The following ABHD2 variants were observed in gnomAD, a reference collection of about 807,000 sequenced individuals.
The protein encoded by ABHD2 is abhydrolase domain containing 2, acylglycerol lipase.
In ABHD2, 20 loss-of-function variants were observed where a neutral mutation model predicts 48.1. The ratio of observed to expected loss-of-function variants is 0.42; its 90% CI spans 0.29 to 0.60. The LOEUF (loss-of-function observed/expected upper bound fraction) is 0.60, where lower values mean the gene tolerates loss of function less well. Among genes scored for constraint, ABHD2 ranks in the 20% least tolerant of loss-of-function variants. The pLI, the probability that ABHD2 is intolerant of heterozygous loss-of-function variation, is 0.24. For synonymous variants in ABHD2, 209 were observed against 214.2 expected, an observed-to-expected ratio of 0.98 and a Z score of 0.21; for missense variants, 405 against 550.9, an observed-to-expected ratio of 0.74 and a Z score of 2.65.
At position 89,116,263 on chromosome 15, in the gene ABHD2, G is replaced by C. The variant is rs1267323302; in HGVS notation, c.-6-59G>C. On this transcript the variant is annotated intron_variant, in intron 2 of 10. Transcript: ENST00000352732. This position sits in a 1 kb window ranked among gnomAD's most constrained non-coding sequence, Gnocchi z 4.6. The stretch of plus-strand genomic sequence containing the variant: ...TAGCCCACCATGCGTCTGTAGGGTG[G>C]TGGGCACCACCCGTCCTCACTGTGC... 11 of 1,515,018 alleles carry C rather than the reference G, an allele frequency of 7.3e-6. No homozygotes were observed. The Admixed American group carries it at 2.0e-4, about 28-fold the overall frequency. The allele number at this position is 1,515,018 out of a possible 1,614,324, so 93.8% of individuals were successfully genotyped here.
rs965105064 is a variant in ABHD2 at position 89,191,001 on chromosome 15, C to T, written c.927-79C>T. 6 of 1,410,288 alleles carry T rather than the reference C, an allele frequency of 4.3e-6. No homozygotes were observed. The African/African-American group carries it at 7.0e-5, about 17-fold the overall frequency. 87.4% of individuals were successfully genotyped at this position (1,410,288 alleles called of 1,614,324 possible). A position where few individuals can be genotyped will look rare whatever the true frequency, so the allele number is the denominator to read the frequency against. On this transcript the variant is annotated intron_variant, in intron 8 of 10. Transcript: ENST00000352732. ...CACAAGTTAGCGTGAGGAACTGGAG[C>T]CATCGTCGGCTCAGCATTCTGATCT...
At chr15:89,148,364 T>G (rs1374570559) in intron 3 of ABHD2, among the ~76,000 whole-genome samples, 1 of 152,122 alleles carries the variant, frequency 6.6e-6, no homozygotes, top group African/African-American at 2.4e-5. Flanking sequence ...CAACCATAGA[T>G]TGGGTCAACC....
chr15:89,057,049 GATT>G, the ABHD2 span, among the ~76,000 whole-genome samples: 1 of 151,818 alleles, frequency 6.6e-6, no homozygotes, highest in Non-Finnish European at 1.5e-5. Context: ...GAGTAGCTGG[GATT>G]ACAGGCACAC....
chr15:89,124,062 G>A (rs868011883), intron 3 of ABHD2, among the ~76,000 whole-genome samples: 2 of 152,042 alleles, frequency 1.3e-5, no homozygotes, highest in South Asian at 2.1e-4. Flanking sequence ...CTGTGTGTAC[G>A]AACACTATAT....
At chr15:89,148,856 CA>C (rs1278019390) in intron 3 of ABHD2, among the ~76,000 whole-genome samples, 1 of 152,216 alleles carries the variant, frequency 6.6e-6, no homozygotes, top group African/African-American at 2.4e-5. Context: ...AGCATTTCTT[CA>C]GTATTTATAT....
chr15:89,191,036 A>G lies in ABHD2; in HGVS notation c.927-44A>G, dbSNP rs777568533. 26 of 1,597,016 alleles carry G rather than the reference A, an allele frequency of 1.6e-5. No homozygotes were observed. In the Admixed American group the frequency reaches 2.0e-4, roughly 12 times the overall value. Reference sequence around the variant, plus strand: ...CTCAGCATTCTGATCTTAAAGACCAATGTTTTGTCCTTTTTCTTTTTTTCT... The same window carrying G: ...CTCAGCATTCTGATCTTAAAGACCAGTGTTTTGTCCTTTTTCTTTTTTTCT... On this transcript the variant is annotated intron_variant, in intron 8 of 10. Coordinates refer to ENST00000352732, the MANE Select transcript of ABHD2 (RefSeq NM_152924.5).
intron 3 of ABHD2, among the ~76,000 whole-genome samples, chr15:89,119,847 A>G (rs1238687937): frequency 2.0e-5 from 3 of 152,182 alleles, no homozygotes; most frequent in Admixed American, 2.0e-4. Flanking sequence ...GTTGAAAGCT[A>G]AGGGCAGGAA....
chr15:89,191,526 T>C (rs1158138362), intron 9 of ABHD2, among the ~76,000 whole-genome samples: 2 of 152,162 alleles, frequency 1.3e-5, no homozygotes, highest in Non-Finnish European at 2.9e-5. Context: ...GTTACCATAG[T>C]GCCTAAGACT....
rs1409700248 is a variant in ABHD2 at position 89,184,802 on chromosome 15, G to T, written c.723-622G>T. On this transcript the variant is annotated intron_variant, in intron 6 of 10. Coordinates refer to ENST00000352732, the MANE Select transcript of ABHD2 (RefSeq NM_152924.5). The surrounding 1 kb of genome is among the most constrained non-coding windows in gnomAD (Gnocchi z 5.1). ...TGCCAGTCACACACTAGCCCTAGAG[G>T]CAGAAAGACACTTCCAGACCAGCCC... Among the ~76,000 whole-genome samples, 3 of 152,182 alleles carry T rather than the reference G, an allele frequency of 2.0e-5. No individual in the cohort carries two copies. The highest frequency in any genetic ancestry group is 4.4e-5 in the Non-Finnish European group (3 of 68,020).
chr15:89,188,399 T>C lies in ABHD2; in HGVS notation c.926+96T>C. ...GCCCAGCACTAGTGTTTGCTCTGCC[T>C]ACTTGAGTGTTAAGGGTGTTTTTTT... On this transcript the variant is annotated intron_variant, in intron 8 of 10. Transcript: ENST00000352732. The surrounding 1 kb of genome is among the most constrained non-coding windows in gnomAD (Gnocchi z 4.1). The C allele has an allele frequency of 1.9e-6, 2 of 1,051,756 alleles. No individual in the cohort carries two copies. The highest frequency in any genetic ancestry group is 2.9e-6 in the Non-Finnish European group (2 of 699,710). The allele number at this position is 1,051,756 out of a possible 1,614,324, so 65.2% of individuals were successfully genotyped here. A position where few individuals can be genotyped will look rare whatever the true frequency, so the allele number is the denominator to read the frequency against.
Position 89,201,567 on chromosome 15 carries a change from A to G in ABHD2, c.*6144A>G. 6.3e-7 allele frequency: 1 copy of G among 1,598,054 alleles called. No homozygotes were observed. The highest frequency in any genetic ancestry group is 8.6e-7 in the Non-Finnish European group (1 of 1,165,492). ...CGGATCATAGTCAAAGGGCTGTAGC[A>G]TTACTGAAACAGTCACAGTTGACCC... On this transcript the variant is annotated 3_prime_UTR_variant, in exon 11 of 11. Transcript: ENST00000352732.
intron 6 of ABHD2, among the ~76,000 whole-genome samples, chr15:89,181,689 A>G (rs986283536): frequency 1.3e-5 from 2 of 152,234 alleles, no homozygotes; most frequent in Admixed American, 6.5e-5. Flanking sequence ...TCACTTGGGT[A>G]CCATTAGATG....
At chr15:89,099,479 G>T (rs1304458766) in intron 1 of ABHD2, among the ~76,000 whole-genome samples, 1 of 152,130 alleles carries the variant, frequency 6.6e-6, no homozygotes, top group East Asian at 1.9e-4. Flanking sequence ...CAAGTGTGGT[G>T]GCACATACCT....
chr15:89,068,405 G>A, the ABHD2 span, among the ~76,000 whole-genome samples: 2 of 152,166 alleles, frequency 1.3e-5, no homozygotes, highest in African/African-American at 4.8e-5. Flanking sequence ...GACCTCAGCT[G>A]GAAAGACTTG....
Position 89,136,813 on chromosome 15 carries a change from G to T in ABHD2, c.195-14864G>T, listed in dbSNP as rs6496555. Among the ~76,000 whole-genome samples the T allele has an allele frequency of 5.3e-5, 8 of 152,202 alleles. 2 individuals are homozygous for T. The highest frequency in any genetic ancestry group is 5.2e-4 in the Admixed American group (8 of 15,298). Reference sequence around the variant, plus strand: ...AGCTCTAATCTTCCCTCCCCATAACGCTGGCACAGATTTTGAGGTAGCCTT... The same window carrying T: ...AGCTCTAATCTTCCCTCCCCATAACTCTGGCACAGATTTTGAGGTAGCCTT... On this transcript the variant is annotated intron_variant, in intron 3 of 10. Transcript: ENST00000352732.
chr15:89,153,055 A>T (rs1235242669), intron 4 of ABHD2, among the ~76,000 whole-genome samples: 1 of 152,172 alleles, frequency 6.6e-6, no homozygotes, highest in African/African-American at 2.4e-5. Context: ...GATTTAATTG[A>T]TATTCCCTCT....
At chr15:89,169,529 G>A (rs2050886920) in intron 5 of ABHD2, among the ~76,000 whole-genome samples, 1 of 152,120 alleles carries the variant, frequency 6.6e-6, no homozygotes, top group South Asian at 2.1e-4. Context: ...ATTCAATGTT[G>A]GAACCAAACA....
chr15:89,123,593 C>CTTTTTTTTTTTTTTTTTTT (rs138910210), intron 3 of ABHD2, among the ~76,000 whole-genome samples: 9 of 96,682 alleles, frequency 9.3e-5, no homozygotes, highest in Non-Finnish European at 1.6e-4. Flanking sequence ...TTCTTTCTTT[C>CTTTTTTTTTTTTTTTTTTT]TTTTTTTTTT....
Position 89,200,573 on chromosome 15 carries a change from C to T in ABHD2, c.*5150C>T, listed in dbSNP as rs1237597510. ...CTGCTAGTGATGATCTGGTAATATA[C>T]AATTTGTCCAGTAGCCAGTTTGTTT... On this transcript the variant is annotated 3_prime_UTR_variant, in exon 11 of 11. Coordinates refer to ENST00000352732, the MANE Select transcript of ABHD2 (RefSeq NM_152924.5). The T allele has an allele frequency of 6.5e-6, 1 of 153,172 alleles. No homozygotes were observed. Among genetic ancestry groups the T allele is most frequent in the Non-Finnish European group, 1.5e-5 (1 of 68,382 alleles). The allele number at this position is 153,172 out of a possible 1,614,324, so 9.5% of individuals were successfully genotyped here. A position where few individuals can be genotyped will look rare whatever the true frequency, so the allele number is the denominator to read the frequency against.
Sources: allele counts gnomAD v4.1 joint callset (sites outside exome capture counted in the v4.1 genomes callset), GRCh38; gene constraint gnomAD v4.1.1; non-coding constraint Gnocchi (gnomAD v3.1); transcripts MANE v1.5; gene names NCBI Gene and HGNC (gene_info 2026-07-23, HGNC 2026-07-21).